The following SLCO6A1 variants were observed in gnomAD, a reference collection of about 807,000 sequenced individuals.
The protein encoded by SLCO6A1 is cancer/testis antigen 48.
SLCO6A1 carries 65 observed loss-of-function variants against 72.7 expected under a neutral mutation model. The observed-to-expected ratio is 0.89, with a 90% confidence interval of 0.73 to 1.10. SLCO6A1 has a LOEUF of 1.10. SLCO6A1 is among the 50% of genes least tolerant of loss of function. The pLI is 0.00. For synonymous variants in SLCO6A1, 314 were observed against 298.2 expected (o/e 1.05, Z -0.55); for missense variants, 874 against 872.6 (o/e 1.00, Z -0.02).
At chr5:102,430,483 AG>A (rs772228700) in intron 7 of SLCO6A1, among the ~76,000 whole-genome samples, 1 of 152,122 alleles carries the variant, frequency 6.6e-6, no homozygotes, top group East Asian at 1.9e-4. Context: ...TTCAGTACCT[AG>A]TTTGTTGAGA....
chr5:102,401,952 T>A (rs1361177720), intron 9 of SLCO6A1, among the ~76,000 whole-genome samples: 1 of 152,068 alleles, frequency 6.6e-6, no homozygotes, highest in Non-Finnish European at 1.5e-5. Flanking sequence ...CCATACAACC[T>A]TTTAGCCATA....
chr5:102,421,581 A>T (rs1487258369), intron 7 of SLCO6A1, among the ~76,000 whole-genome samples: 1 of 151,984 alleles, frequency 6.6e-6, no homozygotes, highest in East Asian at 1.9e-4. Context: ...ATTCCTCCTC[A>T]CTGGGCAGGG....
intron 4 of SLCO6A1, among the ~76,000 whole-genome samples, chr5:102,464,855 T>C (rs1477461503): frequency 6.6e-6 from 1 of 152,178 alleles, no homozygotes; most frequent in Non-Finnish European, 1.5e-5. Context: ...AAGGAGACCA[T>C]TGATGTTGTC....
chr5:102,495,061 A>G (rs1315615557), intron 1 of SLCO6A1, among the ~76,000 whole-genome samples: 1 of 152,234 alleles, frequency 6.6e-6, no homozygotes, highest in Non-Finnish European at 1.5e-5. Flanking sequence ...TTCACAATAA[A>G]AAAGAGCAAA....
intron 4 of SLCO6A1, among the ~76,000 whole-genome samples, chr5:102,463,652 C>T (rs940960419): frequency 1.3e-5 from 2 of 151,954 alleles, no homozygotes; most frequent in South Asian, 2.1e-4. Context: ...TTTGGGAGGC[C>T]GAGGCGGGGG....
At chr5:102,413,288 A>G (rs1163139700) in intron 8 of SLCO6A1, 145 bp from the exon 9 acceptor site, 3 of 702,432 alleles carry the variant, frequency 4.3e-6, no homozygotes, top group Non-Finnish European at 6.7e-6. Context: ...GAGGTACAAT[A>G]GACTGCACAT....
At chr5:102,390,932 C>T (rs372055775) in intron 11 of SLCO6A1, 49 bp downstream of exon 11, 40 of 1,458,916 alleles carry the variant, frequency 2.7e-5, no homozygotes, top group Non-Finnish European at 3.7e-5. Flanking sequence ...GACATATATA[C>T]ATATCAAAAA....
chr5:102,417,243 A>G (rs969754130), intron 8 of SLCO6A1, among the ~76,000 whole-genome samples: 7 of 151,564 alleles, frequency 4.6e-5, no homozygotes, highest in African/African-American at 1.7e-4. Context: ...TTTGAAATGC[A>G]TTTATAAAAT....
chr5:102,377,777 G>A (rs976810280), intron 12 of SLCO6A1, among the ~76,000 whole-genome samples: 1 of 151,756 alleles, frequency 6.6e-6, no homozygotes, highest in Non-Finnish European at 1.5e-5. Context: ...GCTCAAGTGA[G>A]TCTCTTACCT....
intron 9 of SLCO6A1, among the ~76,000 whole-genome samples, chr5:102,401,286 A>C (rs910400205): frequency 6.6e-6 from 1 of 152,118 alleles, no homozygotes; most frequent in Admixed American, 6.6e-5. Context: ...ATGAACATGA[A>C]GGAGACTAAG....
chr5:102,432,076 A>G (rs1749251034), intron 7 of SLCO6A1, among the ~76,000 whole-genome samples: 1 of 151,702 alleles, frequency 6.6e-6, no homozygotes, highest in Non-Finnish European at 1.5e-5. Context: ...TTTCCCCTTC[A>G]GTTTCCATTC....
chr5:102,442,587 GTA>G (rs779734566), intron 6 of SLCO6A1, among the ~76,000 whole-genome samples: 3 of 152,104 alleles, frequency 2.0e-5, no homozygotes, highest in Non-Finnish European at 4.4e-5. Flanking sequence ...TATCTACATG[GTA>G]TAAAACACAG....
At chr5:102,447,556 A>C (rs1370286390) in intron 6 of SLCO6A1, among the ~76,000 whole-genome samples, 1 of 152,124 alleles carries the variant, frequency 6.6e-6, no homozygotes, top group African/African-American at 2.4e-5. Flanking sequence ...TTGGAACTCA[A>C]TACTTGTCTG....
chr5:102,493,297 A>G (rs900052156), intron 1 of SLCO6A1, among the ~76,000 whole-genome samples: 2 of 152,216 alleles, frequency 1.3e-5, no homozygotes, highest in African/African-American at 2.4e-5. Flanking sequence ...GAAAAAGACA[A>G]TCATCTAATA....
intron 7 of SLCO6A1, among the ~76,000 whole-genome samples, chr5:102,424,335 T>A (rs1748772309): frequency 6.6e-6 from 1 of 152,086 alleles, no homozygotes; most frequent in South Asian, 2.1e-4. Context: ...ATCAAGGAGC[T>A]AGTTTTTTGA....
intron 6 of SLCO6A1, among the ~76,000 whole-genome samples, chr5:102,447,150 A>G (rs1750157192): frequency 6.6e-6 from 1 of 152,200 alleles, no homozygotes; most frequent in Non-Finnish European, 1.5e-5. Flanking sequence ...AGTTCTGTTT[A>G]TGTGGTGAAT....
chr5:102,449,341 T>C (rs987643487), intron 6 of SLCO6A1, among the ~76,000 whole-genome samples: 3 of 152,026 alleles, frequency 2.0e-5, no homozygotes, highest in African/African-American at 7.3e-5. Context: ...CTATGTCTCT[T>C]GGGGATAGTC....
chr5:102,455,827 C>T (rs1245543889), intron 6 of SLCO6A1, among the ~76,000 whole-genome samples: 2 of 152,300 alleles, frequency 1.3e-5, no homozygotes, highest in Non-Finnish European at 2.9e-5. Flanking sequence ...AGTTAAAAGA[C>T]TTCAAAAGTC....
intron 8 of SLCO6A1, among the ~76,000 whole-genome samples, chr5:102,417,516 T>C (rs1345285515): frequency 6.6e-6 from 1 of 152,126 alleles, no homozygotes; most frequent in Admixed American, 6.6e-5. Context: ...ATTTTAGTGA[T>C]TGCTTCAAGA....
Sources: allele counts gnomAD v4.1 joint callset (sites outside exome capture counted in the v4.1 genomes callset), GRCh38; gene constraint gnomAD v4.1.1; transcripts MANE v1.5; gene names NCBI Gene and HGNC (gene_info 2026-07-23, HGNC 2026-07-21).